FGF12: variants seen among roughly 807,000 people sequenced by gnomAD.
The protein encoded by FGF12 is fibroblast growth factor 12.
Under a neutral mutation model 23.6 loss-of-function variants are expected in FGF12, and 14 were observed. The observed-to-expected ratio is 0.59, with a 90% CI of 0.39 to 0.93. FGF12 has a LOEUF of 0.93. FGF12 is among the 40% of genes least tolerant of loss of function. The pLI, the probability that FGF12 is intolerant of heterozygous loss-of-function variation, is 0.00. For synonymous variants in FGF12, 62 were observed against 77.3 expected (o/e 0.80, Z 1.04); for missense variants, 175 against 217.8 (o/e 0.80, Z 1.24).
intron 2 of FGF12, among the ~76,000 whole-genome samples, chr3:192,563,712 AATAG>A (rs1712145218): frequency 6.6e-6 from 1 of 152,252 alleles, no homozygotes; most frequent in Non-Finnish European, 1.5e-5. Flanking sequence ...TGCTATTATC[AATAG>A]ATAAACACAA....
chr3:192,397,604 A>G (rs919158096), intron 2 of FGF12, among the ~76,000 whole-genome samples: 2 of 152,206 alleles, frequency 1.3e-5, no homozygotes, highest in Non-Finnish European at 2.9e-5. Flanking sequence ...GAGATCCTCT[A>G]TATGTTCCAT....
chr3:192,545,571 C>T (rs1231512096), intron 2 of FGF12, among the ~76,000 whole-genome samples: 1 of 152,174 alleles, frequency 6.6e-6, no homozygotes, highest in East Asian at 1.9e-4. Context: ...TGGCCCCTAT[C>T]CCGAGGCGAG....
intron 4 of FGF12, among the ~76,000 whole-genome samples, chr3:192,322,503 GACAC>G (rs3071843): frequency 1.3e-5 from 2 of 149,280 alleles, no homozygotes; most frequent in African/African-American, 4.9e-5. Context: ...ACCACACGCA[GACAC>G]ACACACACAC....
chr3:192,352,005 A>C (rs968924222), intron 3 of FGF12, among the ~76,000 whole-genome samples: 1 of 152,102 alleles, frequency 6.6e-6, no homozygotes, highest in African/African-American at 2.4e-5. Context: ...TCTGTGATAC[A>C]GGCTTACCTA....
intron 4 of FGF12, among the ~76,000 whole-genome samples, chr3:192,191,662 C>A (rs1392335463): frequency 6.6e-6 from 1 of 151,948 alleles, no homozygotes; most frequent in Non-Finnish European, 1.5e-5. Context: ...GGTGAAACCC[C>A]GTCTCTACTA....
rs551138981 is a variant in FGF12 at position 192,620,248 on chromosome 3, G to A, written c.13+106933C>T. Among the ~76,000 whole-genome samples, 173 of 67,380 alleles carry A rather than the reference G, an allele frequency of 2.6e-3. 1 individual carries two copies. The highest frequency in any genetic ancestry group is 0.021 in the African/African-American group (148 of 7,170). The allele number at this position is 67,380 out of a possible 152,430, so 44.2% of individuals were successfully genotyped here. A position where few individuals can be genotyped will look rare whatever the true frequency, so the allele number is the denominator to read the frequency against. On this transcript the variant is annotated intron_variant, in intron 2 of 5. Transcript: ENST00000445105. Reference sequence around the variant, plus strand: ...AGATCAATTACACACACACGCGCGCGCGCGCGCACGCACACACACACACAC... The same window carrying A: ...AGATCAATTACACACACACGCGCGCACGCGCGCACGCACACACACACACAC...
intron 2 of FGF12, among the ~76,000 whole-genome samples, chr3:192,368,815 C>G (rs957611823): frequency 6.6e-6 from 1 of 152,176 alleles, no homozygotes; most frequent in Non-Finnish European, 1.5e-5. Flanking sequence ...AGACTGAAAT[C>G]TTTACTAACA....
intron 4 of FGF12, among the ~76,000 whole-genome samples, chr3:192,177,287 C>G (rs777414007): frequency 2.0e-5 from 3 of 152,198 alleles, no homozygotes; most frequent in Non-Finnish European, 4.4e-5. Flanking sequence ...GATATGAAAG[C>G]TCTTTGATAA....
At chr3:192,620,874 C>T (rs542552093) in intron 2 of FGF12, among the ~76,000 whole-genome samples, 9 of 152,088 alleles carry the variant, frequency 5.9e-5, no homozygotes, top group Non-Finnish European at 1.0e-4. Flanking sequence ...TGGGCTCGAG[C>T]TCAGTAAGCT....
chr3:192,343,427 A>G (rs1354667862), intron 3 of FGF12, among the ~76,000 whole-genome samples: 1 of 152,194 alleles, frequency 6.6e-6, no homozygotes, highest in Non-Finnish European at 1.5e-5. Context: ...TTTCTCCTAC[A>G]ATAAATCCTA....
Position 192,336,253 on chromosome 3 carries a change from C to G in FGF12, c.125-789G>C, listed in dbSNP as rs1717411098. The stretch of plus-strand genomic sequence containing the variant: ...AATTAATTTGACAAAAGTAATTCAA[C>G]ATCCTAAGATGAAATGGAAACATGC... On this transcript the variant is annotated intron_variant, in intron 3 of 5. Coordinates refer to ENST00000445105, the MANE Select transcript of FGF12 (RefSeq NM_004113.6). The surrounding 1 kb of genome is among the most constrained non-coding windows in gnomAD (Gnocchi z 4.3). 1.3e-5 allele frequency among the ~76,000 whole-genome samples: 2 copies of G among 151,718 alleles called. No individual in the cohort carries two copies. The highest frequency in any genetic ancestry group is 4.8e-5 in the African/African-American group (2 of 41,292).
intron 2 of FGF12, among the ~76,000 whole-genome samples, chr3:192,716,656 T>G (rs1718876364): frequency 6.6e-6 from 1 of 152,160 alleles, no homozygotes; most frequent in African/African-American, 2.4e-5. Flanking sequence ...AGCCTAAGGG[T>G]CAAATGCTAA....
intron 3 of FGF12, among the ~76,000 whole-genome samples, chr3:192,337,598 T>G (rs116563979): frequency 0.011 from 1,711 of 152,312 alleles, 24 homozygotes; most frequent in African/African-American, 0.036. Flanking sequence ...AGACACATAG[T>G]TTCTAAACCC....
At chr3:192,584,901 C>G (rs1713309616) in intron 2 of FGF12, among the ~76,000 whole-genome samples, 1 of 152,062 alleles carries the variant, frequency 6.6e-6, no homozygotes, top group South Asian at 2.1e-4. Context: ...AATGCCATCC[C>G]CATCTCTAGA....
intron 4 of FGF12, among the ~76,000 whole-genome samples, chr3:192,264,866 T>A (rs970203981): frequency 1.3e-5 from 2 of 152,124 alleles, no homozygotes; most frequent in African/African-American, 4.8e-5. Flanking sequence ...ATCCACCGTC[T>A]GATGCCAAGT....
At position 192,184,651 on chromosome 3, in the gene FGF12, C is replaced by T. The variant is rs187931128; in HGVS notation, c.229-13995G>A. The stretch of plus-strand genomic sequence containing the variant: ...CTGCTACCTAATGATGCTATCAATG[C>T]ACATTTTGAGTTCATTTGTGATTCA... On this transcript the variant is annotated intron_variant, in intron 4 of 5. Transcript: ENST00000445105. Among the ~76,000 whole-genome samples, 317 of 152,332 alleles carry T rather than the reference C, an allele frequency of 2.1e-3. 2 individuals are homozygous for T. The highest frequency in any genetic ancestry group is 1.5e-3 in the Non-Finnish European group (102 of 68,032).
At chr3:192,267,563 A>G (rs1271356790) in intron 4 of FGF12, among the ~76,000 whole-genome samples, 1 of 152,124 alleles carries the variant, frequency 6.6e-6, no homozygotes, top group Non-Finnish European at 1.5e-5. Context: ...TATATCTATC[A>G]TCAATCTATC....
intron 2 of FGF12, among the ~76,000 whole-genome samples, chr3:192,702,957 T>G (rs948499731): frequency 6.6e-6 from 1 of 152,212 alleles, no homozygotes; most frequent in African/African-American, 2.4e-5. Context: ...CTTTGAGAGT[T>G]GCAGGAGATT....
intron 2 of FGF12, among the ~76,000 whole-genome samples, chr3:192,481,239 T>C (rs1723471343): frequency 6.6e-6 from 1 of 152,104 alleles, no homozygotes; most frequent in South Asian, 2.1e-4. Flanking sequence ...TAAGGGTACG[T>C]TGATATAAAA....
Sources: gnomAD v4.1 joint callset for allele counts (sites outside exome capture counted in the v4.1 genomes callset) on GRCh38, gnomAD v4.1.1 for gene constraint, Gnocchi (gnomAD v3.1) non-coding constraint, MANE v1.5 for transcripts, NCBI Gene and HGNC (gene_info 2026-07-23, HGNC 2026-07-21) for gene names.